RAB3C: variants seen among roughly 807,000 people sequenced by gnomAD.
RAB3C encodes the protein ras-related protein Rab-3C.
Under a neutral mutation model 26.4 loss-of-function variants are expected in RAB3C, and 17 were observed. The ratio of observed to expected loss-of-function variants is 0.64; its 90% confidence interval spans 0.44 to 0.97. The LOEUF is 0.97. RAB3C is among the 50% of genes least tolerant of loss of function. The pLI is 0.00. For missense variants in RAB3C, 242 were observed against 281.9 expected (o/e 0.86, Z 1.01); for synonymous variants, 91 against 95.9 (o/e 0.95, Z 0.30).
intron 3 of RAB3C, among the ~76,000 whole-genome samples, chr5:58,748,247 T>C (rs1358189574): frequency 6.6e-6 from 1 of 152,100 alleles, no homozygotes; most frequent in African/African-American, 2.4e-5. Context: ...ACAAGAGAGA[T>C]AACTTACCCT....
chr5:58,611,717 C>G (rs35073336), intron 1 of RAB3C, among the ~76,000 whole-genome samples: 21,102 of 152,138 alleles, frequency 0.14, 1,642 homozygotes, highest in Middle Eastern at 0.19. Context: ...TGTTGCTGTA[C>G]AGAAGCTCTT....
intron 3 of RAB3C, among the ~76,000 whole-genome samples, chr5:58,771,013 T>G (rs1235915091): frequency 6.6e-6 from 1 of 152,180 alleles, no homozygotes; most frequent in Non-Finnish European, 1.5e-5. Flanking sequence ...CTAAGAATGC[T>G]TCACTATATT....
intron 4 of RAB3C, among the ~76,000 whole-genome samples, chr5:58,847,430 G>C (rs1032136827): frequency 6.6e-6 from 1 of 152,056 alleles, no homozygotes; most frequent in Non-Finnish European, 1.5e-5. Context: ...CACTGACGTT[G>C]GTGTGTACGA....
chr5:58,762,648 G>A (rs1434301294), intron 3 of RAB3C, among the ~76,000 whole-genome samples: 6 of 152,138 alleles, frequency 3.9e-5, no homozygotes, highest in Non-Finnish European at 7.4e-5. Context: ...AGCTGACAGC[G>A]CCATTGCCCT....
chr5:58,648,550 G>A (rs943752713), intron 2 of RAB3C, among the ~76,000 whole-genome samples: 1 of 152,084 alleles, frequency 6.6e-6, no homozygotes, highest in Non-Finnish European at 1.5e-5. Context: ...ATATTCTCCT[G>A]TTTCTTGAAA....
intron 3 of RAB3C, among the ~76,000 whole-genome samples, chr5:58,783,084 A>G (rs389200): frequency 0.78 from 119,164 of 151,974 alleles, 46,871 homozygotes; most frequent in African/African-American, 0.83. Flanking sequence ...TGTCATTAAT[A>G]TAGTACTGGC....
At chr5:58,831,853 C>T (rs554704890) in intron 4 of RAB3C, among the ~76,000 whole-genome samples, 4 of 152,238 alleles carry the variant, frequency 2.6e-5, no homozygotes, top group East Asian at 1.9e-4. Context: ...GAAAGGTTCT[C>T]GATCTTGGCT....
intron 2 of RAB3C, among the ~76,000 whole-genome samples, chr5:58,637,080 T>G (rs1747305412): frequency 6.9e-6 from 1 of 145,090 alleles, no homozygotes; most frequent in African/African-American, 2.6e-5. Context: ...ATTATCATTT[T>G]TTTTTTATTT....
Position 58,857,102 on chromosome 5 carries a change from T to C in RAB3C, c.*5751T>C, listed in dbSNP as rs1744277402. The C allele has an allele frequency of 6.6e-6, 1 of 152,214 alleles. No homozygotes were observed. 9.4% of individuals were successfully genotyped at this position (152,214 alleles called of 1,614,324 possible). Reference sequence around the variant, plus strand: ...AGGGTTCATGGGCCAATAAGTGCAATATTTAATGACTCACTCAGTGTATAT... The same window carrying C: ...AGGGTTCATGGGCCAATAAGTGCAACATTTAATGACTCACTCAGTGTATAT... On this transcript the variant is annotated 3_prime_UTR_variant, in exon 5 of 5. Transcript: ENST00000282878.
chr5:58,843,119 G>A (rs893103735), intron 4 of RAB3C, among the ~76,000 whole-genome samples: 3 of 152,100 alleles, frequency 2.0e-5, no homozygotes, highest in South Asian at 2.1e-4. Flanking sequence ...GCTGGTTACA[G>A]GATTAGAAAA....
Position 58,596,736 on chromosome 5 carries a change from A to T in RAB3C, c.24+13504A>T, listed in dbSNP as rs1561260014. 3.3e-5 allele frequency among the ~76,000 whole-genome samples: 3 copies of T among 91,136 alleles called. No homozygotes were observed. In the East Asian group the frequency reaches 8.4e-4, roughly 26 times the overall value. 59.8% of individuals were successfully genotyped at this position (91,136 alleles called of 152,430 possible). A position where few individuals can be genotyped will look rare whatever the true frequency, so the allele number is the denominator to read the frequency against. On this transcript the variant is annotated intron_variant, in intron 1 of 4. Coordinates refer to ENST00000282878, the MANE Select transcript of RAB3C (RefSeq NM_138453.4). Reference sequence around the variant, plus strand: ...ATATATAATATATAATACATAATATATAAATATATAATACATAATATATAA... The same window carrying T: ...ATATATAATATATAATACATAATATTTAAATATATAATACATAATATATAA...
rs1197464801 is a variant in RAB3C at position 58,662,339 on chromosome 5, G to GT, written c.252+44473dup. 1.7e-4 allele frequency among the ~76,000 whole-genome samples: 26 copies of GT among 150,288 alleles called. 1 individual carries two copies. The highest frequency in any genetic ancestry group is 9.8e-4 in the Admixed American group (15 of 15,232). Reference sequence around the variant, plus strand: ...AATAATACAAAATTATGATTGTAGAGTTTTCTTCATGCTGATTCCTTTCAC... The same window carrying GT: ...AATAATACAAAATTATGATTGTAGAGTTTTTCTTCATGCTGATTCCTTTCAC... On this transcript the variant is annotated intron_variant, in intron 2 of 4. Transcript: ENST00000282878.
Position 58,675,114 on chromosome 5 carries a change from G to A in RAB3C, c.253-50888G>A, listed in dbSNP as rs12153291. ...CCTAAGTACTTTTCTCATGCTCCCC[G>A]CAGGCAAGATTTGCTGCAAGCACAA... On this transcript the variant is annotated intron_variant, in intron 2 of 4. Transcript: ENST00000282878. 1.1e-4 allele frequency among the ~76,000 whole-genome samples: 16 copies of A among 151,818 alleles called. No homozygotes were observed. In the South Asian group the frequency reaches 2.5e-3, roughly 24 times the overall value.
In RAB3C at chr5:58,745,392, C is replaced by CAAAA. The variant is rs1173604247; in HGVS notation, c.371+19296_371+19299dup. ...GCCTGGGCTGAGCGAGACTCTGCTT[C>CAAAA]AAAAAAAAAAAAAAAAAAAAAAAAA... On this transcript the variant is annotated intron_variant, in intron 3 of 4. Transcript: ENST00000282878. Among the ~76,000 whole-genome samples the CAAAA allele has an allele frequency of 1.3e-3, 43 of 33,080 alleles. 1 individual carries two copies. The highest frequency in any genetic ancestry group is 3.0e-3 in the African/African-American group (32 of 10,758). The allele number at this position is 33,080 out of a possible 152,430, so 21.7% of individuals were successfully genotyped here.
chr5:58,750,261 A>G (rs1397599632), intron 3 of RAB3C, among the ~76,000 whole-genome samples: 1 of 152,242 alleles, frequency 6.6e-6, no homozygotes, highest in East Asian at 1.9e-4. Flanking sequence ...AAAAACAAAT[A>G]AAATAAACAA....
intron 1 of RAB3C, among the ~76,000 whole-genome samples, chr5:58,594,206 A>G (rs1442610569): frequency 6.6e-6 from 1 of 152,220 alleles, no homozygotes; most frequent in African/African-American, 2.4e-5. Flanking sequence ...TCAAGTGGCC[A>G]TAGCTCAAGG....
At chr5:58,745,239 T>TA (rs1741372389) in intron 3 of RAB3C, among the ~76,000 whole-genome samples, 1 of 150,930 alleles carries the variant, frequency 6.6e-6, no homozygotes, top group African/African-American at 2.4e-5. Flanking sequence ...CTACTAAAAA[T>TA]ACAAAAAAAT....
chr5:58,750,077 A>C (rs917717103), intron 3 of RAB3C, among the ~76,000 whole-genome samples: 1 of 152,218 alleles, frequency 6.6e-6, no homozygotes, highest in East Asian at 1.9e-4. Flanking sequence ...ATTTGTTTTC[A>C]TCATTCTAGT....
intron 3 of RAB3C, among the ~76,000 whole-genome samples, chr5:58,734,859 T>G (rs1741101392): frequency 6.6e-6 from 1 of 152,222 alleles, no homozygotes; most frequent in Admixed American, 6.5e-5. Flanking sequence ...CCACAGACAC[T>G]GAATTAGCAA....
Sources: allele counts gnomAD v4.1 joint callset (sites outside exome capture counted in the v4.1 genomes callset), GRCh38; gene constraint gnomAD v4.1.1; transcripts MANE v1.5; gene names NCBI Gene and HGNC (gene_info 2026-07-23, HGNC 2026-07-21).